Variants in NAV2 observed in about 807,000 individuals in gnomAD.
NAV2 encodes neuron navigator 2.
Under a neutral mutation model 223.2 loss-of-function variants are expected in NAV2, and 54 were observed. The ratio of observed to expected loss-of-function variants is 0.24; its 90% CI spans 0.19 to 0.30. The LOEUF (loss-of-function observed/expected upper bound fraction) is 0.30, where lower values mean the gene tolerates loss of function less well. Among genes scored for constraint, NAV2 ranks in the 10% least tolerant of loss-of-function variants. The probability of loss-of-function intolerance (pLI) is 1.00; values close to 1 mark genes in which losing one functional copy is unlikely to be tolerated. For synonymous variants in NAV2, 1,279 were observed against 1,239.3 expected, an observed-to-expected ratio of 1.03 and a Z score of -0.67; for missense variants, 2,806 against 3,147.5, an observed-to-expected ratio of 0.89 and a Z score of 2.60.
intron 1 of NAV2, among the ~76,000 whole-genome samples, chr11:19,447,659 G>A (rs1350823168): frequency 6.6e-6 from 1 of 152,148 alleles, no homozygotes; most frequent in African/African-American, 2.4e-5. Context: ...AAGCACTCCT[G>A]ACTTAGAATG....
intron 11 of NAV2, among the ~76,000 whole-genome samples, chr11:20,023,758 G>A (rs1390810887): frequency 2.0e-5 from 3 of 150,906 alleles, no homozygotes; most frequent in Non-Finnish European, 2.9e-5. Flanking sequence ...AGGAGAGATG[G>A]CATGGGAGGT....
intron 1 of NAV2, among the ~76,000 whole-genome samples, chr11:19,572,261 T>G (rs905524226): frequency 9.2e-5 from 14 of 152,192 alleles, no homozygotes; most frequent in African/African-American, 3.1e-4. Flanking sequence ...TCCGTGTCGC[T>G]GAACTCTAAG....
chr11:20,107,771 G>T lies in NAV2; in HGVS notation c.6949G>T (p.Glu2317Ter). ...IIPYLLEAVR[E>*]GLQLYGRRAP... The stretch of plus-strand genomic sequence containing the variant: ...CCCCTATCTCCTGGAAGCCGTCAGA[G>T]AAGGACTCCAGGTGAGAAGACACCC... Residue 2317 changes from glutamate (E) to a stop codon, truncating the protein, a stop_gained, in exon 36 of 38, where the codon GAA becomes TAA. Transcript: ENST00000349880. LOFTEE classifies it high-confidence loss of function. 6.2e-7 allele frequency: 1 copy of T among 1,612,568 alleles called. No homozygotes were observed. The highest frequency in any genetic ancestry group is 2.2e-5 in the East Asian group (1 of 44,878).
chr11:19,861,139 T>C (rs1565447567), intron 3 of NAV2, among the ~76,000 whole-genome samples: 2 of 149,466 alleles, frequency 1.3e-5, no homozygotes, highest in East Asian at 3.9e-4. Context: ...CAGAGTCATA[T>C]TCTCTTAAAC....
intron 1 of NAV2, among the ~76,000 whole-genome samples, chr11:19,528,713 C>T (rs941252200): frequency 8.5e-5 from 13 of 152,132 alleles, no homozygotes; most frequent in Admixed American, 5.9e-4. Flanking sequence ...GGGCAGATCA[C>T]GAGGTCAAGA....
chr11:19,662,670 G>A (rs2048317796), intron 1 of NAV2, among the ~76,000 whole-genome samples: 1 of 152,214 alleles, frequency 6.6e-6, no homozygotes, highest in Non-Finnish European at 1.5e-5. Context: ...TTTCCATTCA[G>A]CTGCTTCCTT....
chr11:19,404,336 A>T (rs1051872112), intron 1 of NAV2, among the ~76,000 whole-genome samples: 2 of 152,174 alleles, frequency 1.3e-5, no homozygotes, highest in African/African-American at 2.4e-5. Flanking sequence ...GAAGGCCTGA[A>T]CTTGGCAAGG....
intron 10 of NAV2, among the ~76,000 whole-genome samples, chr11:19,972,098 A>T (rs2049303120): frequency 6.6e-6 from 1 of 152,200 alleles, no homozygotes; most frequent in Non-Finnish European, 1.5e-5. Flanking sequence ...GTAAAATTAG[A>T]TGTGGCTTTT....
At chr11:19,407,486 G>C (rs866238250) in intron 1 of NAV2, among the ~76,000 whole-genome samples, 5 of 152,328 alleles carry the variant, frequency 3.3e-5, no homozygotes, top group Middle Eastern at 6.8e-3. Flanking sequence ...AGCAGAGTTA[G>C]GTGGTGTAAG....
At chr11:19,952,199 A>G (rs2047454271) in intron 10 of NAV2, among the ~76,000 whole-genome samples, 1 of 152,222 alleles carries the variant, frequency 6.6e-6, no homozygotes, top group Non-Finnish European at 1.5e-5. Context: ...TGTGCTTCAG[A>G]ATGTGCTGAA....
At chr11:20,089,818 A>C (rs1268375206) in intron 26 of NAV2, among the ~76,000 whole-genome samples, 1 of 152,206 alleles carries the variant, frequency 6.6e-6, no homozygotes, top group Non-Finnish European at 1.5e-5. Flanking sequence ...TTTGAAGAGC[A>C]AACCTAAGTA....
intron 1 of NAV2, among the ~76,000 whole-genome samples, chr11:19,618,268 G>A (rs2046859405): frequency 6.6e-6 from 1 of 151,598 alleles, no homozygotes; most frequent in African/African-American, 2.4e-5. Context: ...CTGGGTGGCT[G>A]GATGGATCAA....
intron 1 of NAV2, among the ~76,000 whole-genome samples, chr11:19,520,674 T>C (rs1269829876): frequency 6.6e-6 from 1 of 152,150 alleles, no homozygotes; most frequent in Non-Finnish European, 1.5e-5. Flanking sequence ...AGGCCTCTCA[T>C]AGAGGACATG....
At chr11:19,553,509 C>CACA (rs2044758068) in intron 1 of NAV2, among the ~76,000 whole-genome samples, 1 of 151,154 alleles carries the variant, frequency 6.6e-6, no homozygotes, top group East Asian at 2.0e-4. Flanking sequence ...GTAATGCAGA[C>CACA]CACACACACA....
chr11:19,748,049 G>T (rs1421627591), intron 1 of NAV2, among the ~76,000 whole-genome samples: 1 of 152,222 alleles, frequency 6.6e-6, no homozygotes, highest in Non-Finnish European at 1.5e-5. Context: ...GTGAGACCTT[G>T]TCCAGGCTTT....
intron 1 of NAV2, among the ~76,000 whole-genome samples, chr11:19,582,598 C>T (rs1590600721): frequency 6.6e-6 from 1 of 152,282 alleles, no homozygotes; most frequent in Admixed American, 6.5e-5. Flanking sequence ...AGCCAGTTTT[C>T]CCAGCACCAT....
chr11:19,893,136 A>G (rs1690993317), intron 6 of NAV2, among the ~76,000 whole-genome samples: 1 of 75,354 alleles, frequency 1.3e-5, no homozygotes, highest in Non-Finnish European at 2.6e-5. Flanking sequence ...CCATAAAAGG[A>G]TATGGATTTT....
intron 36 of NAV2, among the ~76,000 whole-genome samples, chr11:20,114,224 A>AC (rs1449337883): frequency 6.6e-6 from 1 of 152,204 alleles, no homozygotes; most frequent in African/African-American, 2.4e-5. Context: ...GTGGGATTGT[A>AC]CCATGGATGT....
At chr11:19,550,184 G>A (rs2044645061) in intron 1 of NAV2, among the ~76,000 whole-genome samples, 1 of 152,128 alleles carries the variant, frequency 6.6e-6, no homozygotes, top group Non-Finnish European at 1.5e-5. Flanking sequence ...AACGAAAAAG[G>A]GAAATTTGAC....
Sources: gnomAD v4.1 joint callset for allele counts (sites outside exome capture counted in the v4.1 genomes callset) on GRCh38, gnomAD v4.1.1 for gene constraint, MANE v1.5 for transcripts, NCBI Gene and HGNC (gene_info 2026-07-23, HGNC 2026-07-21) for gene names.